PPTC7: variants seen among roughly 807,000 people sequenced by gnomAD.
PPTC7 encodes protein phosphatase targeting COQ7.
A neutral mutation model predicts 30.8 loss-of-function variants in PPTC7; 6 were observed. The observed-to-expected ratio is 0.19, with a 90% CI of 0.11 to 0.38. The LOEUF is 0.38. Ranked by LOEUF, PPTC7 falls within the 10% of genes least tolerant of loss-of-function variation. The pLI is 1.00. For missense variants in PPTC7, 218 were observed against 404.8 expected, an observed-to-expected ratio of 0.54 and a Z score of 3.96; for synonymous variants, 163 against 168.1, an observed-to-expected ratio of 0.97 and a Z score of 0.23.
Position 110,540,310 on chromosome 12 carries a change from TC to T in PPTC7, c.603-366del, listed in dbSNP as rs1235977655. Among the ~76,000 whole-genome samples the T allele has an allele frequency of 5.7e-5, 6 of 104,390 alleles. 1 individual carries two copies. The highest frequency in any genetic ancestry group is 5.2e-4 in the East Asian group (2 of 3,848). 68.5% of individuals were successfully genotyped at this position (104,390 alleles called of 152,430 possible). A position where few individuals can be genotyped will look rare whatever the true frequency, so the allele number is the denominator to read the frequency against. On this transcript the variant is annotated intron_variant, in intron 3 of 5. Coordinates refer to ENST00000354300, the MANE Select transcript of PPTC7 (RefSeq NM_139283.2). The stretch of plus-strand genomic sequence containing the variant: ...CCTAATTCTTTACAGCCGAATTCCA[TC>T]CCCCCCCGCCTTTTTTTTTTTTTTT...
At position 110,538,075 on chromosome 12, in the gene PPTC7, C is replaced by T. The variant is rs77352178; in HGVS notation, c.856+69G>A. On this transcript the variant is annotated intron_variant, in intron 5 of 5. Transcript: ENST00000354300. ...ACACCTCCACAGTCTCACCCAGAGC[C>T]CAGAATGCTCCACTCTACTGACACC... is the stretch of plus-strand genomic sequence containing the variant. The T allele has an allele frequency of 3.2e-6, 5 of 1,550,188 alleles. No individual in the cohort carries two copies. The African/African-American group carries it at 6.8e-5, about 21-fold the overall frequency.
chr12:110,582,766 G>C, intron 1 of PPTC7, 43 bp downstream of exon 1: 6 of 1,475,878 alleles, frequency 4.1e-6, no homozygotes, highest in African/African-American at 1.4e-5. Flanking sequence ...TCCCCGGGAG[G>C]CGGATCCGAG....
intron 1 of PPTC7, 104 bp downstream of exon 1, chr12:110,582,705 C>T (rs897578012): frequency 9.8e-7 from 1 of 1,022,696 alleles, no homozygotes; most frequent in African/African-American, 1.6e-5. Context: ...CATGTGAGCG[C>T]TCTGGCTCCT....
intron 2 of PPTC7, 105 bp downstream of exon 2, chr12:110,551,684 G>C: frequency 9.6e-7 from 1 of 1,046,740 alleles, no homozygotes. Context: ...CTGCTTAGTA[G>C]GAAGAGCCTC....
At chr12:110,539,969 C>T (rs1270463075) in intron 3 of PPTC7, 24 bp from the exon 4 acceptor site, 1 of 1,609,988 alleles carries the variant, frequency 6.2e-7, no homozygotes, top group Non-Finnish European at 8.5e-7. Context: ...AGGGGAGGGA[C>T]AAAGTTAAGA....
At chr12:110,551,710 C>G in intron 2 of PPTC7, 79 bp downstream of exon 2, 1 of 1,322,634 alleles carries the variant, frequency 7.6e-7, no homozygotes, top group Non-Finnish European at 1.1e-6. Context: ...AAAGCTGGTC[C>G]GATAAATGAT....
intron 1 of PPTC7, among the ~76,000 whole-genome samples, chr12:110,580,631 C>T (rs987871542): frequency 6.6e-6 from 1 of 152,198 alleles, no homozygotes; most frequent in Admixed American, 6.5e-5. Context: ...TGAGCCACCA[C>T]GCCCGGTCTA....
At chr12:110,572,157 G>A (rs544121084) in intron 1 of PPTC7, among the ~76,000 whole-genome samples, 3 of 152,232 alleles carry the variant, frequency 2.0e-5, no homozygotes, top group Admixed American at 1.3e-4. Flanking sequence ...AGATAACAAC[G>A]TGGCTAGGTG....
At chr12:110,578,635 G>C (rs527882877) in intron 1 of PPTC7, among the ~76,000 whole-genome samples, 9 of 152,294 alleles carry the variant, frequency 5.9e-5, no homozygotes, top group African/African-American at 1.9e-4. Context: ...TTTCATTCCA[G>C]TCAAGGAGTC....
chr12:110,544,252 C>T (rs541842449), intron 3 of PPTC7, among the ~76,000 whole-genome samples: 79 of 152,318 alleles, frequency 5.2e-4, no homozygotes, highest in African/African-American at 1.8e-3. Flanking sequence ...CATTTAATTA[C>T]ATAACATGCT....
rs760047785 is a variant in PPTC7, at chr12:110,538,257, C to A, written c.743G>T (p.Ser248Ile). 1.2e-6 allele frequency: 2 copies of A among 1,614,016 alleles called. No individual in the cohort carries two copies. Among genetic ancestry groups the A allele is most frequent in the South Asian group, 2.2e-5 (2 of 91,084 alleles). Residue 248 changes from serine (S) to isoleucine (I), a missense_variant, in exon 5 of 6, where the codon AGT (serine) becomes ATT (isoleucine). Physicochemically the swap from Ser to Ile is moderately radical, Grantham distance 142. Coordinates refer to ENST00000354300, the MANE Select transcript of PPTC7 (RefSeq NM_139283.2). ...AATGCTTCTGGCAGTCTGTTGTATA[C>A]TCTCATAATTTGAATTCTAAGATAA... ...LKKLKNSNYE[S>I]IQQTARSIAE...
chr12:110,569,646 C>G (rs1048608374), intron 1 of PPTC7, among the ~76,000 whole-genome samples: 1 of 152,188 alleles, frequency 6.6e-6, no homozygotes, highest in Non-Finnish European at 1.5e-5. Flanking sequence ...ATAAGGCTAT[C>G]CTGTCTTCAT....
intron 1 of PPTC7, among the ~76,000 whole-genome samples, chr12:110,554,849 CT>C: frequency 6.6e-6 from 1 of 152,266 alleles, no homozygotes; most frequent in South Asian, 2.1e-4. Flanking sequence ...GCAATGGTTG[CT>C]TTAGAAATAA....
chr12:110,537,001 G>C lies in PPTC7; in HGVS notation c.*36C>G, dbSNP rs745639654. The C allele has an allele frequency of 1.3e-6, 2 of 1,549,490 alleles. No homozygotes were observed. The highest frequency in any genetic ancestry group is 1.8e-6 in the Non-Finnish European group (2 of 1,122,284). ...CAGCACACATGGCAGGGGAAATTTG[G>C]GATGATGAAAGGAAAGGCAGGACTT... On this transcript the variant is annotated 3_prime_UTR_variant, in exon 6 of 6. Transcript: ENST00000354300.
In PPTC7 at chr12:110,572,331, C is replaced by T. The variant is rs530043208; in HGVS notation, c.223+10478G>A. ...TGGTGGCATGTGCCTGTAGTCCCAG[C>T]TACTAGGGAGGCTGAGGGAGAATCG... On this transcript the variant is annotated intron_variant, in intron 1 of 5. Coordinates refer to ENST00000354300, the MANE Select transcript of PPTC7 (RefSeq NM_139283.2). Among the ~76,000 whole-genome samples the T allele has an allele frequency of 7.2e-5, 11 of 152,218 alleles. No individual in the cohort carries two copies. The South Asian group carries it at 2.3e-3, about 32-fold the overall frequency.
At chr12:110,544,748 C>T (rs1178987941) in intron 3 of PPTC7, among the ~76,000 whole-genome samples, 1 of 152,024 alleles carries the variant, frequency 6.6e-6, no homozygotes. Context: ...GCAGGAGAAT[C>T]GCTTGAACCA....
At chr12:110,552,027 T>C in intron 1 of PPTC7, 59 bp from the exon 2 acceptor site, 3 of 1,397,654 alleles carry the variant, frequency 2.1e-6, no homozygotes, top group Non-Finnish European at 2.0e-6. Context: ...TCAGGAATTC[T>C]TACCTCTGTT....
At chr12:110,576,166 G>A (rs1431189952) in intron 1 of PPTC7, among the ~76,000 whole-genome samples, 1 of 151,892 alleles carries the variant, frequency 6.6e-6, no homozygotes, top group Non-Finnish European at 1.5e-5. Context: ...ATTTTCTCTT[G>A]GAAGCACACA....
rs2064511355 is a variant in PPTC7 at position 110,569,112 on chromosome 12, C to G, written c.223+13697G>C. Among the ~76,000 whole-genome samples the G allele has an allele frequency of 2.0e-5, 3 of 147,982 alleles. No homozygotes were observed. In the South Asian group the frequency reaches 6.4e-4, roughly 31 times the overall value. ...CTTTGGGTGGCCAAGGTGGACAGAT[C>G]ACTTGAGGTCTGGAGTTCAAGACCA... On this transcript the variant is annotated intron_variant, in intron 1 of 5. Coordinates refer to ENST00000354300, the MANE Select transcript of PPTC7 (RefSeq NM_139283.2).
Sources: allele counts gnomAD v4.1 joint callset (sites outside exome capture counted in the v4.1 genomes callset), GRCh38; gene constraint gnomAD v4.1.1; transcripts MANE v1.5; gene names NCBI Gene and HGNC (gene_info 2026-07-23, HGNC 2026-07-21).